DGKI: variants seen among roughly 807,000 people sequenced by gnomAD.
DGKI encodes DAG kinase iota.
Under a neutral mutation model 147.5 loss-of-function variants are expected in DGKI, and 55 were observed. The observed-to-expected ratio is 0.37, with a 90% CI of 0.30 to 0.47. DGKI has a LOEUF of 0.47. Among genes scored for constraint, DGKI ranks in the 20% least tolerant of loss-of-function variants. The probability of loss-of-function intolerance (pLI) is 1.00; values close to 1 mark genes in which losing one functional copy is unlikely to be tolerated. For missense variants in DGKI, 1,007 were observed against 1,323.8 expected, an observed-to-expected ratio of 0.76 and a Z score of 3.71; for synonymous variants, 469 against 477.1, an observed-to-expected ratio of 0.98 and a Z score of 0.22.
chr7:137,825,029 T>G (rs1686054892), intron 1 of DGKI, among the ~76,000 whole-genome samples: 1 of 152,210 alleles, frequency 6.6e-6, no homozygotes, highest in South Asian at 2.1e-4. Flanking sequence ...TATGTATGCA[T>G]GTGTCTTCAT....
intron 1 of DGKI, among the ~76,000 whole-genome samples, chr7:137,803,563 G>T (rs929027156): frequency 6.6e-6 from 1 of 152,094 alleles, no homozygotes; most frequent in Non-Finnish European, 1.5e-5. Context: ...CTAAGACAAT[G>T]CACCTTTCAC....
At chr7:137,465,354 C>T (rs1413596294) in intron 26 of DGKI, among the ~76,000 whole-genome samples, 4 of 152,106 alleles carry the variant, frequency 2.6e-5, no homozygotes, top group African/African-American at 9.7e-5. Flanking sequence ...TTCTTTTAAT[C>T]GCCAAACAAT....
chr7:137,674,008 G>A (rs191084429), intron 3 of DGKI, among the ~76,000 whole-genome samples: 38 of 152,300 alleles, frequency 2.5e-4, no homozygotes, highest in Non-Finnish European at 4.0e-4. Context: ...GTCACCAAAC[G>A]ACAGTGATTC....
chr7:137,629,160 G>A (rs6467711), intron 6 of DGKI, among the ~76,000 whole-genome samples: 6,947 of 151,402 alleles, frequency 0.046, 511 homozygotes, highest in African/African-American at 0.16. Context: ...ATTTGCTTTC[G>A]TTAATATTTA....
In DGKI at chr7:137,578,266, C is replaced by T; in HGVS notation, c.1698+4G>A. On this transcript the variant is annotated splice_donor_region_variant and intron_variant, in intron 16 of 32. Coordinates refer to ENST00000614521, the MANE Select transcript of DGKI (RefSeq NM_001321708.2). ...AGTAATTATGAAATAAAATGTATAC[C>T]TACCCCTGCATAGAACATTTTATTT... 1 of 1,600,560 alleles carries T rather than the reference C, an allele frequency of 6.2e-7. No homozygotes were observed. Among genetic ancestry groups the T allele is most frequent in the Non-Finnish European group, 8.6e-7 (1 of 1,168,044 alleles).
chr7:137,772,828 C>T (rs1027611100), intron 1 of DGKI, among the ~76,000 whole-genome samples: 2 of 152,192 alleles, frequency 1.3e-5, no homozygotes, highest in Non-Finnish European at 1.5e-5. Context: ...CTTTCATCAA[C>T]ACAGACAAGC....
chr7:137,705,728 C>T (rs1213693888), intron 1 of DGKI, among the ~76,000 whole-genome samples: 1 of 151,976 alleles, frequency 6.6e-6, no homozygotes, highest in African/African-American at 2.4e-5. Flanking sequence ...AAGAAAAAGG[C>T]ATGTAAATTA....
chr7:137,585,312 C>T lies in DGKI; in HGVS notation c.1460G>A (p.Cys487Tyr), dbSNP rs1224631725. 6.2e-7 allele frequency: 1 copy of T among 1,614,010 alleles called. No individual in the cohort carries two copies. Among genetic ancestry groups the T allele is most frequent in the Non-Finnish European group, 8.5e-7 (1 of 1,180,022 alleles). ...TACAACTGTCCCATCTTCCACTTGA[C>T]ACAGGATCTTAGAAACAGGTTCATC... Reference protein sequence around the residue: ...YTDEPVSKILCQVEDGTVVQL... With the variant: ...YTDEPVSKILYQVEDGTVVQL... Residue 487 changes from cysteine (C) to tyrosine (Y), a missense_variant, in exon 14 of 33, where the codon TGT (cysteine) becomes TAT (tyrosine). Around this residue, in one of 5 missense-constraint regions of DGKI, gnomAD observed 224 missense variants for 382.7 expected, o/e 0.59. Transcript: ENST00000614521.
chr7:137,584,581 C>T (rs1819319816), intron 14 of DGKI, among the ~76,000 whole-genome samples: 1 of 152,186 alleles, frequency 6.6e-6, no homozygotes, highest in African/African-American at 2.4e-5. Flanking sequence ...GGATTGAAAA[C>T]CTGTTGGTTA....
intron 1 of DGKI, among the ~76,000 whole-genome samples, chr7:137,725,219 T>C (rs1794685400): frequency 6.6e-6 from 1 of 152,316 alleles, no homozygotes; most frequent in African/African-American, 2.4e-5. Flanking sequence ...TCCCTGCATT[T>C]TGAGTATCAA....
chr7:137,721,865 G>T (rs1794567166), intron 1 of DGKI: 2 of 638,966 alleles, frequency 3.1e-6, no homozygotes, highest in African/African-American at 1.8e-5. Context: ...GGCACACATG[G>T]TTCCATTTGC....
In DGKI at chr7:137,824,531, A is replaced by AG. The variant is rs1437341667; in HGVS notation, c.401+21930_401+21931insC. ...ACTCCATCTCAAAAAAAAAAAAAAG[A>AG]AAAAGAAAAGAAAATGGAATTATTG... On this transcript the variant is annotated intron_variant, in intron 1 of 32. Transcript: ENST00000614521. 1.5e-3 allele frequency among the ~76,000 whole-genome samples: 92 copies of AG among 60,092 alleles called. 1 individual carries two copies. The highest frequency in any genetic ancestry group is 4.5e-3 in the African/African-American group (78 of 17,210). 39.4% of individuals were successfully genotyped at this position (60,092 alleles called of 152,430 possible).
chr7:137,746,268 G>A (rs1795326308), intron 1 of DGKI, among the ~76,000 whole-genome samples: 1 of 152,118 alleles, frequency 6.6e-6, no homozygotes, highest in African/African-American at 2.4e-5. Context: ...TGATGGAGCT[G>A]GACCTAGAAT....
intron 23 of DGKI, among the ~76,000 whole-genome samples, 159 bp downstream of exon 23, chr7:137,485,215 G>C (rs754651218): frequency 1.5e-4 from 23 of 151,972 alleles, no homozygotes; most frequent in Non-Finnish European, 2.6e-4. Flanking sequence ...CCAAAATCAG[G>C]AAAATGCAAA....
intron 26 of DGKI, among the ~76,000 whole-genome samples, chr7:137,465,588 T>C (rs1814622192): frequency 6.6e-6 from 1 of 152,138 alleles, no homozygotes; most frequent in Non-Finnish European, 1.5e-5. Context: ...ATTTGTCAAA[T>C]CACCTGTGTC....
rs77809233 is a variant in DGKI, at chr7:137,689,736, G to C, written c.510+158C>G. 5.3e-3 allele frequency among the ~76,000 whole-genome samples: 810 copies of C among 152,328 alleles called. 4 individuals are homozygous for C. Among genetic ancestry groups the C allele is most frequent in the South Asian group, 0.019 (92 of 4,830 alleles). On this transcript the variant is annotated intron_variant, in intron 2 of 32. Transcript: ENST00000614521. ...ATATAAAGGAGTGATGTTCATAGGA[G>C]TTTGAAAATGGAGCTACAGCTAAGG...
At chr7:137,709,557 T>C (rs1794154044) in intron 1 of DGKI, among the ~76,000 whole-genome samples, 1 of 152,198 alleles carries the variant, frequency 6.6e-6, no homozygotes, top group Admixed American at 6.5e-5. Context: ...GTTCTCTAGG[T>C]TATCCAACAG....
At chr7:137,662,261 G>A (rs1420336606) in intron 3 of DGKI, among the ~76,000 whole-genome samples, 3 of 108,454 alleles carry the variant, frequency 2.8e-5, no homozygotes, top group African/African-American at 1.8e-4. Flanking sequence ...TTTTTTTTTC[G>A]AGACAGAGTC....
At chr7:137,782,402 C>T (rs1368501137) in intron 1 of DGKI, among the ~76,000 whole-genome samples, 3 of 152,092 alleles carry the variant, frequency 2.0e-5, no homozygotes, top group Admixed American at 1.3e-4. Flanking sequence ...ACTCCATTGG[C>T]CTGGGAACCA....
Sources: gnomAD v4.1 joint callset for allele counts (sites outside exome capture counted in the v4.1 genomes callset) on GRCh38, gnomAD v4.1.1 for gene constraint, gnomAD v4.1.1 regional missense constraint, MANE v1.5 for transcripts, NCBI Gene and HGNC (gene_info 2026-07-23, HGNC 2026-07-21) for gene names.